The following RAB27A variants were observed in gnomAD, a reference collection of about 807,000 sequenced individuals.
RAB27A encodes RAB27A, member RAS oncogene family, also known as ras-related protein Rab-27A.
A neutral mutation model predicts 20.8 loss-of-function variants in RAB27A; 17 were observed. That is an observed-to-expected ratio of 0.82 (90% CI 0.56 to 1.23). The LOEUF is 1.23. RAB27A is among the 50% of genes most tolerant of loss of function. The probability of loss-of-function intolerance (pLI) is 0.00; values close to 1 mark genes in which losing one functional copy is unlikely to be tolerated. For missense variants in RAB27A, 277 were observed against 266.7 expected (o/e 1.04, Z -0.27); for synonymous variants, 85 against 92.8 (o/e 0.92, Z 0.48).
chr15:55,298,484 C>T (rs1013314432), intron 2 of RAB27A, among the ~76,000 whole-genome samples: 1 of 152,130 alleles, frequency 6.6e-6, no homozygotes, highest in Non-Finnish European at 1.5e-5. Context: ...ACATCAAGTA[C>T]TTCACAAAGT....
chr15:55,205,449 T>G lies in RAB27A; in HGVS notation c.*58A>C, dbSNP rs1007353960. 1.9e-5 allele frequency: 29 copies of G among 1,523,304 alleles called. No homozygotes were observed. The highest frequency in any genetic ancestry group is 1.7e-4 in the Admixed American group (10 of 59,888). 94.4% of individuals were successfully genotyped at this position (1,523,304 alleles called of 1,614,324 possible). ...AATCTCTCACTGTGCCATGTATCAA[T>G]CATAGAGAAGATCCCAGGCATGGGC... On this transcript the variant is annotated 3_prime_UTR_variant, in exon 7 of 7. Transcript: ENST00000336787.
At chr15:55,213,356 C>A (rs990346963) in intron 6 of RAB27A, among the ~76,000 whole-genome samples, 1 of 152,168 alleles carries the variant, frequency 6.6e-6, no homozygotes, top group African/African-American at 2.4e-5. Flanking sequence ...CTAGTAACAG[C>A]TTCTATATGA....
intron 6 of RAB27A, among the ~76,000 whole-genome samples, chr15:55,215,945 C>CAAGA (rs1895278815): frequency 1.9e-5 from 1 of 52,890 alleles, no homozygotes; most frequent in Non-Finnish European, 3.7e-5. Flanking sequence ...GACGCCGTCT[C>CAAGA]AAAAAAAAAA....
chr15:55,206,362 TTTTTG>T (rs761088120), intron 6 of RAB27A: 46 of 633,372 alleles, frequency 7.3e-5, no homozygotes, highest in Admixed American at 1.3e-4. Flanking sequence ...TTTGGAGGGT[TTTTTG>T]TTTTGAGACA....
chr15:55,243,032 C>G (rs1218005481), intron 2 of RAB27A, among the ~76,000 whole-genome samples: 1 of 152,054 alleles, frequency 6.6e-6, no homozygotes, highest in Non-Finnish European at 1.5e-5. Flanking sequence ...TGATAAAATG[C>G]TTTATAATTA....
chr15:55,288,103 G>A (rs1362618902), intron 1 of RAB27A, among the ~76,000 whole-genome samples: 1 of 152,138 alleles, frequency 6.6e-6, no homozygotes, highest in Non-Finnish European at 1.5e-5. Flanking sequence ...CTTAAAATGG[G>A]TCAAAGAATG....
intron 2 of RAB27A, among the ~76,000 whole-genome samples, chr15:55,303,958 GGT>G (rs1163366573): frequency 6.7e-6 from 1 of 149,450 alleles, no homozygotes; most frequent in Non-Finnish European, 1.5e-5. Flanking sequence ...CTGTCTGGGA[GGT>G]GTGCCCAACA....
intron 2 of RAB27A, among the ~76,000 whole-genome samples, chr15:55,306,968 G>T (rs2054999543): frequency 6.6e-6 from 1 of 152,134 alleles, no homozygotes; most frequent in South Asian, 2.1e-4. Context: ...GAAATAGCTA[G>T]CGTTGTCTCC....
chr15:55,233,219 A>G (rs1392261804), intron 3 of RAB27A, among the ~76,000 whole-genome samples: 1 of 152,220 alleles, frequency 6.6e-6, no homozygotes, highest in Non-Finnish European at 1.5e-5. Flanking sequence ...TCATTCGTAT[A>G]GCAATAATGG....
intron 6 of RAB27A, among the ~76,000 whole-genome samples, chr15:55,211,310 T>C (rs1374030667): frequency 1.3e-5 from 2 of 152,170 alleles, no homozygotes; most frequent in Non-Finnish European, 2.9e-5. Flanking sequence ...GGTATTTTGA[T>C]AGGGATTGCA....
rs879211049 is a variant in RAB27A at position 55,204,948 on chromosome 15, G to C, written c.*559C>G. ...AGGTCTATAGATATAGCCATGATTT[G>C]TCCTATATTCATGTTAAATAGAATG... On this transcript the variant is annotated 3_prime_UTR_variant, in exon 7 of 7. Coordinates refer to ENST00000336787, the MANE Select transcript of RAB27A (RefSeq NM_183235.3). 2 of 168,206 alleles carry C rather than the reference G, an allele frequency of 1.2e-5. No individual in the cohort carries two copies. Among genetic ancestry groups the C allele is most frequent in the Admixed American group, 5.7e-5 (1 of 17,604 alleles). 10.4% of individuals were successfully genotyped at this position (168,206 alleles called of 1,614,324 possible).
At chr15:55,261,251 G>C (rs1595727408) in intron 2 of RAB27A, among the ~76,000 whole-genome samples, 1 of 150,340 alleles carries the variant, frequency 6.7e-6, no homozygotes, top group African/African-American at 2.5e-5. Flanking sequence ...ATAAAAATTA[G>C]CCAGGCGCGG....
intron 6 of RAB27A, among the ~76,000 whole-genome samples, chr15:55,212,876 T>C (rs1895096511): frequency 6.6e-6 from 1 of 152,240 alleles, no homozygotes; most frequent in South Asian, 2.1e-4. Flanking sequence ...AGACCTGTGG[T>C]ACAGGTGTAA....
At chr15:55,209,915 T>G (rs1186112150) in intron 6 of RAB27A, among the ~76,000 whole-genome samples, 1 of 95,024 alleles carries the variant, frequency 1.1e-5, no homozygotes, top group African/African-American at 6.7e-5. Context: ...TGTGTGTATG[T>G]ATATACACAC....
rs555681646 is a variant in RAB27A at position 55,227,562 on chromosome 15, G to A, written c.343+1047C>T. Among the ~76,000 whole-genome samples the A allele has an allele frequency of 2.0e-5, 3 of 151,784 alleles. 1 individual carries two copies. Among genetic ancestry groups the A allele is most frequent in the South Asian group, 4.2e-4 (2 of 4,802 alleles). ...CTTAGTGGCCAACTGACTTGAGAAC[G>A]GGCAAAAAAAAGGCCATTAAAAAGG... On this transcript the variant is annotated intron_variant, in intron 5 of 6. Coordinates refer to ENST00000336787, the MANE Select transcript of RAB27A (RefSeq NM_183235.3).
At chr15:55,206,040 A>G (rs1344720959) in intron 6 of RAB27A, among the ~76,000 whole-genome samples, 1 of 151,746 alleles carries the variant, frequency 6.6e-6, no homozygotes, top group South Asian at 2.1e-4. Flanking sequence ...CGGAAACCCC[A>G]TCTCTACAAA....
intron 6 of RAB27A, among the ~76,000 whole-genome samples, chr15:55,215,652 A>C (rs973046168): frequency 5.9e-5 from 5 of 84,362 alleles, no homozygotes; most frequent in Non-Finnish European, 9.1e-5. Flanking sequence ...ACTCCGTCTC[A>C]AAAAAAAAAA....
intron 2 of RAB27A, among the ~76,000 whole-genome samples, chr15:55,307,622 C>T (rs112173316): frequency 6.6e-6 from 1 of 151,900 alleles, no homozygotes; most frequent in African/African-American, 2.4e-5. Flanking sequence ...GCCTTTATTA[C>T]CTCTTGGAAC....
chr15:55,281,975 G>C (rs1470752865), intron 1 of RAB27A, among the ~76,000 whole-genome samples: 1 of 152,154 alleles, frequency 6.6e-6, no homozygotes, highest in Non-Finnish European at 1.5e-5. Flanking sequence ...TGAAGAATGG[G>C]CTATGGCAGG....
Sources: allele counts gnomAD v4.1 joint callset (sites outside exome capture counted in the v4.1 genomes callset), GRCh38; gene constraint gnomAD v4.1.1; transcripts MANE v1.5; gene names NCBI Gene and HGNC (gene_info 2026-07-23, HGNC 2026-07-21).